DCC: variants seen among roughly 807,000 people sequenced by gnomAD.
DCC encodes the protein netrin receptor DCC.
A neutral mutation model predicts 172.5 loss-of-function variants in DCC; 58 were observed. The ratio of observed to expected loss-of-function variants is 0.34; its 90% CI spans 0.27 to 0.42. The LOEUF (loss-of-function observed/expected upper bound fraction) is 0.42. DCC is among the 10% of genes least tolerant of loss of function. The pLI is 1.00. For missense variants in DCC, 1,740 were observed against 1,791.0 expected, an observed-to-expected ratio of 0.97 and a Z score of 0.51; for synonymous variants, 709 against 644.5, an observed-to-expected ratio of 1.10 and a Z score of -1.52.
At chr18:52,518,484 T>A (rs2031709310) in intron 1 of DCC, among the ~76,000 whole-genome samples, 1 of 152,228 alleles carries the variant, frequency 6.6e-6, no homozygotes, top group Non-Finnish European at 1.5e-5. Context: ...AATTACTCCT[T>A]GTGTCGTTTC....
chr18:53,509,774 T>G (rs960003192), intron 27 of DCC, among the ~76,000 whole-genome samples: 3 of 152,224 alleles, frequency 2.0e-5, no homozygotes, highest in Non-Finnish European at 4.4e-5. Context: ...TCAATGTAGC[T>G]CACCTGTGGA....
chr18:52,902,625 G>A (rs1028771943), intron 2 of DCC, among the ~76,000 whole-genome samples: 1 of 152,064 alleles, frequency 6.6e-6, no homozygotes, highest in East Asian at 1.9e-4. Flanking sequence ...TTCATTACTA[G>A]ATATTCATGC....
At chr18:53,409,935 T>C (rs1339876404) in intron 19 of DCC, among the ~76,000 whole-genome samples, 2 of 152,192 alleles carry the variant, frequency 1.3e-5, no homozygotes, top group East Asian at 3.8e-4. Flanking sequence ...TCACCGTCTG[T>C]GAAAGGAAAG....
At chr18:53,222,624 G>C (rs896413227) in intron 12 of DCC, among the ~76,000 whole-genome samples, 6 of 151,616 alleles carry the variant, frequency 4.0e-5, no homozygotes, top group African/African-American at 1.5e-4. Context: ...CTGACCTCGT[G>C]ATCTGCCCGC....
At chr18:52,583,382 T>G (rs28588193) in intron 1 of DCC, among the ~76,000 whole-genome samples, 4,994 of 152,292 alleles carry the variant, frequency 0.033, 291 homozygotes, top group African/African-American at 0.11. Context: ...TTTGAGAAGT[T>G]GTCACAAAAT....
chr18:52,804,991 T>C (rs2038061128), intron 2 of DCC, among the ~76,000 whole-genome samples: 1 of 148,696 alleles, frequency 6.7e-6, no homozygotes, highest in South Asian at 2.1e-4. Flanking sequence ...TCAGGATAGA[T>C]TTTTTTCAAG....
intron 28 of DCC, among the ~76,000 whole-genome samples, chr18:53,529,569 C>T (rs1836010319): frequency 6.6e-6 from 1 of 152,164 alleles, no homozygotes; most frequent in African/African-American, 2.4e-5. Flanking sequence ...CTCCTAACTC[C>T]TCAAAAGACA....
intron 12 of DCC, among the ~76,000 whole-genome samples, chr18:53,284,681 G>A (rs1315560701): frequency 1.3e-5 from 2 of 152,186 alleles, no homozygotes; most frequent in Admixed American, 6.6e-5. Flanking sequence ...CAAAAATGTG[G>A]AAGCAACTTT....
chr18:52,852,169 G>T (rs1410147489), intron 2 of DCC, among the ~76,000 whole-genome samples: 1 of 151,946 alleles, frequency 6.6e-6, no homozygotes, highest in Non-Finnish European at 1.5e-5. Context: ...AGGCTTAAAG[G>T]CATATCAAGA....
intron 5 of DCC, among the ~76,000 whole-genome samples, chr18:52,966,715 C>G (rs182058914): frequency 1.3e-5 from 2 of 152,138 alleles, no homozygotes; most frequent in African/African-American, 4.8e-5. Context: ...TGTGATCTCA[C>G]GATGGGAATC....
intron 12 of DCC, among the ~76,000 whole-genome samples, chr18:53,282,759 A>G (rs2056888457): frequency 6.6e-6 from 1 of 152,132 alleles, no homozygotes; most frequent in Admixed American, 6.6e-5. Context: ...TCTCTCAGTT[A>G]TAAGATAGGC....
chr18:53,427,428 G>C (rs1386460943), intron 21 of DCC, among the ~76,000 whole-genome samples: 2 of 151,912 alleles, frequency 1.3e-5, no homozygotes, highest in Non-Finnish European at 2.9e-5. Flanking sequence ...GAATTCAATT[G>C]TTATTCAGTT....
chr18:53,347,175 G>A (rs73957161), intron 15 of DCC, among the ~76,000 whole-genome samples: 6,526 of 152,206 alleles, frequency 0.043, 456 homozygotes, highest in African/African-American at 0.15. Flanking sequence ...AGTGGTGAGG[G>A]TTTCTACTGG....
intron 1 of DCC, among the ~76,000 whole-genome samples, chr18:52,664,470 C>CT (rs74178680): frequency 0.36 from 35,064 of 98,048 alleles, 7,319 homozygotes; most frequent in Non-Finnish European, 0.39. Context: ...TTTTCTTTTT[C>CT]TTTTTCTTTT....
intron 5 of DCC, among the ~76,000 whole-genome samples, chr18:53,000,356 C>A (rs1299602926): frequency 6.6e-6 from 1 of 152,020 alleles, no homozygotes; most frequent in Non-Finnish European, 1.5e-5. Flanking sequence ...CCTTTATTGA[C>A]TACGTCAGCC....
chr18:53,164,611 A>G (rs114514565), intron 8 of DCC, among the ~76,000 whole-genome samples: 159 of 152,274 alleles, frequency 1.0e-3, no homozygotes, highest in African/African-American at 3.7e-3. Flanking sequence ...GTTTTCTCAC[A>G]TGGAATAATA....
intron 1 of DCC, among the ~76,000 whole-genome samples, chr18:52,492,211 G>A (rs116920157): frequency 0.02 from 3,116 of 152,012 alleles, 50 homozygotes; most frequent in Non-Finnish European, 0.032. Flanking sequence ...AGAAACTTGG[G>A]GGGTAGTGGG....
chr18:52,564,192 A>C (rs1394073086), intron 1 of DCC, among the ~76,000 whole-genome samples: 1 of 152,138 alleles, frequency 6.6e-6, no homozygotes, highest in East Asian at 1.9e-4. Flanking sequence ...TCAGGGTTCC[A>C]AAAGTAAAAG....
At chr18:52,642,008 G>GTA (rs1568269528) in intron 1 of DCC, among the ~76,000 whole-genome samples, 3 of 35,868 alleles carry the variant, frequency 8.4e-5, no homozygotes, top group African/African-American at 2.4e-4. Context: ...ACTGTGGTGT[G>GTA]TGTGTGTATA....
Sources: gnomAD v4.1 joint callset for allele counts (sites outside exome capture counted in the v4.1 genomes callset) on GRCh38, gnomAD v4.1.1 for gene constraint, MANE v1.5 for transcripts, NCBI Gene and HGNC (gene_info 2026-07-23, HGNC 2026-07-21) for gene names.